The following PUS7 variants were observed in gnomAD, a reference collection of about 807,000 sequenced individuals.
PUS7 encodes the protein pseudouridine synthase 7.
A neutral mutation model predicts 79.8 loss-of-function variants in PUS7; 48 were observed. That is an observed-to-expected ratio of 0.60 (90% CI 0.48 to 0.76). PUS7 has a LOEUF of 0.76. Ranked by LOEUF, PUS7 falls within the 30% of genes least tolerant of loss-of-function variation. The probability of loss-of-function intolerance (pLI) is 0.00; values close to 1 mark genes in which losing one functional copy is unlikely to be tolerated. For synonymous variants in PUS7, 286 were observed against 272.2 expected (o/e 1.05, Z -0.50); for missense variants, 729 against 797.6 (o/e 0.91, Z 1.04).
intron 1 of PUS7, among the ~76,000 whole-genome samples, chr7:105,519,722 C>T (rs1458888261): frequency 1.3e-5 from 2 of 152,074 alleles, no homozygotes; most frequent in East Asian, 1.9e-4. Context: ...TATCTGAGAA[C>T]AAAATAAATC....
At chr7:105,496,569 C>T (rs1217477184) in intron 5 of PUS7, among the ~76,000 whole-genome samples, 2 of 152,158 alleles carry the variant, frequency 1.3e-5, no homozygotes, top group Non-Finnish European at 2.9e-5. Context: ...TAAGATACTG[C>T]TGGTACCGAA....
At position 105,492,840 on chromosome 7, in the gene PUS7, G is replaced by C. The variant is rs565718134; in HGVS notation, c.843-1223C>G. Among the ~76,000 whole-genome samples, 218 of 151,648 alleles carry C rather than the reference G, an allele frequency of 1.4e-3. 1 individual carries two copies. Among genetic ancestry groups the C allele is most frequent in the African/African-American group, 5.1e-3 (209 of 41,298 alleles). On this transcript the variant is annotated intron_variant, in intron 6 of 15. Transcript: ENST00000469408. ...GTATTTTTAATAGAGATGGGGTTTC[G>C]CCATGTTGGCCAGGCTGGTCTTGAA...
At position 105,482,403 on chromosome 7, in the gene PUS7, A is replaced by T. The variant is rs542221978; in HGVS notation, c.958T>A (p.Leu320Met). ...AQRLAHLNKC[L>M]MNFKLGNFSY... ...AAATTCCCTAGCTTAAAGTTCATCA[A>T]GCACTTATTCAGGTGGGCAAGTCTT... The change falls in exon 8 of 16, where the codon TTG becomes ATG. Residue 320 changes from leucine to methionine, a missense_variant. Coordinates refer to ENST00000469408, the MANE Select transcript of PUS7 (RefSeq NM_019042.5). 3.7e-6 allele frequency: 6 copies of T among 1,612,568 alleles called. No individual in the cohort carries two copies. Among genetic ancestry groups the T allele is most frequent in the Non-Finnish European group, 5.1e-6 (6 of 1,179,114 alleles).
chr7:105,503,929 A>T (rs1825354058), intron 4 of PUS7, among the ~76,000 whole-genome samples: 1 of 152,118 alleles, frequency 6.6e-6, no homozygotes, highest in Non-Finnish European at 1.5e-5. Context: ...CACTGTGCCC[A>T]GCCCTTATTT....
intron 9 of PUS7, among the ~76,000 whole-genome samples, chr7:105,475,412 C>G (rs1385590796): frequency 6.6e-6 from 1 of 152,038 alleles, no homozygotes; most frequent in East Asian, 1.9e-4. Flanking sequence ...GTCTCGATCT[C>G]CTGACCTTGT....
At chr7:105,474,625 A>T (rs1824010997) in intron 9 of PUS7, among the ~76,000 whole-genome samples, 1 of 151,520 alleles carries the variant, frequency 6.6e-6, no homozygotes, top group African/African-American at 2.4e-5. Flanking sequence ...AAAAAAAAAA[A>T]AAAAAAATAA....
intron 6 of PUS7, among the ~76,000 whole-genome samples, chr7:105,492,555 G>A (rs369110808): frequency 1.4e-5 from 2 of 142,442 alleles, no homozygotes; most frequent in South Asian, 4.5e-4. Context: ...GCCCAGGCTG[G>A]AGTGCAGTGG....
intron 14 of PUS7, among the ~76,000 whole-genome samples, chr7:105,459,681 A>AC (rs1823334074): frequency 6.6e-6 from 1 of 150,888 alleles, no homozygotes; most frequent in South Asian, 2.1e-4. Context: ...CAGGTGATCC[A>AC]CCCGCCACAG....
intron 12 of PUS7, among the ~76,000 whole-genome samples, chr7:105,467,480 G>A (rs980663610): frequency 1.3e-5 from 2 of 151,152 alleles, no homozygotes; most frequent in Non-Finnish European, 3.0e-5. Context: ...TAGTAGAGAC[G>A]GCGTTTCACC....
intron 14 of PUS7, among the ~76,000 whole-genome samples, chr7:105,461,547 A>G (rs750529479): frequency 6.6e-6 from 1 of 152,200 alleles, no homozygotes; most frequent in Non-Finnish European, 1.5e-5. Context: ...GATGATTTGA[A>G]AAATACAAAG....
intron 10 of PUS7, 116 bp downstream of exon 10, chr7:105,472,016 C>A: frequency 4.0e-5 from 23 of 581,484 alleles, no homozygotes; most frequent in East Asian, 1.1e-4. Context: ...ATTGTAAAAA[C>A]AAATAAAATA....
rs151251556 is a variant in PUS7, at chr7:105,488,915, A to G, written c.920+2625T>C. On this transcript the variant is annotated intron_variant, in intron 7 of 15. Transcript: ENST00000469408. ...TGTAATCCCAGCACTTTGGGAGGCC[A>G]AGACGGGTGGATCACGAGGTCAGGA... Among the ~76,000 whole-genome samples, 1,439 of 152,146 alleles carry G rather than the reference A, an allele frequency of 9.5e-3. 15 individuals are homozygous for G. The highest frequency in any genetic ancestry group is 0.033 in the African/African-American group (1,389 of 41,506).
At chr7:105,480,157 G>C (rs1003608458) in intron 9 of PUS7, among the ~76,000 whole-genome samples, 6 of 152,140 alleles carry the variant, frequency 3.9e-5, no homozygotes, top group African/African-American at 1.2e-4. Flanking sequence ...ACTGAGCCAA[G>C]ACTTACCTGT....
intron 14 of PUS7, 23 bp downstream of exon 14, chr7:105,462,598 T>C: frequency 6.2e-7 from 1 of 1,612,660 alleles, no homozygotes; most frequent in African/African-American, 1.3e-5. Context: ...TTCAGTTCTA[T>C]CTCATTCTAG....
intron 15 of PUS7, 131 bp from the exon 16 acceptor site, chr7:105,458,057 G>A (rs1823260401): frequency 1.0e-6 from 1 of 990,898 alleles, no homozygotes; most frequent in African/African-American, 1.6e-5. Context: ...AGGGGGCCTT[G>A]GAGAATGAGA....
intron 14 of PUS7, among the ~76,000 whole-genome samples, chr7:105,461,829 T>C (rs1166026960): frequency 6.6e-6 from 1 of 152,230 alleles, no homozygotes; most frequent in Non-Finnish European, 1.5e-5. Context: ...GTTACTGTAC[T>C]GAATACTGGA....
At chr7:105,472,785 G>A (rs1029292829) in intron 9 of PUS7, among the ~76,000 whole-genome samples, 1 of 151,768 alleles carries the variant, frequency 6.6e-6, no homozygotes, top group Non-Finnish European at 1.5e-5. Flanking sequence ...GTGGAGTTTC[G>A]CTCTGTTGCC....
intron 1 of PUS7, among the ~76,000 whole-genome samples, chr7:105,514,498 G>C (rs181052186): frequency 0.035 from 5,270 of 150,078 alleles, 113 homozygotes; most frequent in Non-Finnish European, 0.055. Context: ...CAGCTACTCA[G>C]GAGGCTGAGG....
chr7:105,497,949 T>A (rs887326418), intron 5 of PUS7, among the ~76,000 whole-genome samples: 6 of 152,360 alleles, frequency 3.9e-5, no homozygotes, highest in African/African-American at 1.4e-4. Context: ...GTTGATGAAG[T>A]GTAGCTACAT....
Sources: allele counts gnomAD v4.1 joint callset (sites outside exome capture counted in the v4.1 genomes callset), GRCh38; gene constraint gnomAD v4.1.1; transcripts MANE v1.5; gene names NCBI Gene and HGNC (gene_info 2026-07-23, HGNC 2026-07-21).